CRACD: variants seen among roughly 807,000 people sequenced by gnomAD.
CRACD encodes the protein capping protein-inhibiting regulator of actin dynamics.
Under a neutral mutation model 106.8 loss-of-function variants are expected in CRACD, and 56 were observed. That is an observed-to-expected ratio of 0.52 (90% CI 0.42 to 0.66). The LOEUF (loss-of-function observed/expected upper bound fraction) is 0.66, where lower values mean the gene tolerates loss of function less well. Among genes scored for constraint, CRACD ranks in the 30% least tolerant of loss-of-function variants. CRACD has a pLI of 0.00. For synonymous variants in CRACD, 754 were observed against 670.8 expected (o/e 1.12, Z -1.92); for missense variants, 1,730 against 1,623.2 (o/e 1.07, Z -1.13).
In CRACD at chr4:56,225,037, T is replaced by C. The variant is rs183416479; in HGVS notation, c.-189+45607T>C. ...TCACTCTTTGGTCTCCACACACTTATTCTTGCAAGGAGATTAGCTCTTCAT... is the reference window on the plus strand; with the variant it reads ...TCACTCTTTGGTCTCCACACACTTACTCTTGCAAGGAGATTAGCTCTTCAT... On this transcript the variant is annotated intron_variant, in intron 2 of 10. Coordinates refer to ENST00000682029, the MANE Select transcript of CRACD (RefSeq NM_001393381.1). Among the ~76,000 whole-genome samples the C allele has an allele frequency of 2.6e-3, 401 of 152,364 alleles. 2 individuals are homozygous for C. The highest frequency in any genetic ancestry group is 8.6e-3 in the African/African-American group (357 of 41,584).
intron 7 of CRACD, 134 bp downstream of exon 7, chr4:56,313,513 CG>C: frequency 1.3e-6 from 1 of 753,188 alleles, no homozygotes; most frequent in Non-Finnish European, 2.1e-6. Flanking sequence ...GAGTGTGTGG[CG>C]GTGTTGGGGA....
At chr4:56,161,399 C>T (rs1735952719) in intron 1 of CRACD, among the ~76,000 whole-genome samples, 1 of 152,060 alleles carries the variant, frequency 6.6e-6, no homozygotes, top group Non-Finnish European at 1.5e-5. Flanking sequence ...TTTACACATG[C>T]CCACCAGACT....
chr4:56,080,934 C>T lies in CRACD; in HGVS notation c.-336+31635C>T, dbSNP rs776536053. Among the ~76,000 whole-genome samples the T allele has an allele frequency of 4.6e-5, 7 of 152,360 alleles. No homozygotes were observed. In the South Asian group the frequency reaches 1.4e-3, roughly 32 times the overall value. ...AAATTCTAAGTGGTTTCTCAAGCTA[C>T]ATCAGATCTATCCACTTACTTTCTC... is the stretch of plus-strand genomic sequence containing the variant. On this transcript the variant is annotated intron_variant, in intron 1 of 10. Coordinates refer to ENST00000682029, the MANE Select transcript of CRACD (RefSeq NM_001393381.1).
intron 2 of CRACD, among the ~76,000 whole-genome samples, chr4:56,238,153 C>T (rs1253963750): frequency 6.6e-6 from 1 of 152,174 alleles, no homozygotes; most frequent in Non-Finnish European, 1.5e-5. Context: ...CCAGATAGGG[C>T]TCAGTCAACA....
rs142940778 is a variant in CRACD at position 56,182,155 on chromosome 4, C to T, written c.-189+2725C>T. ...CAGCACTTTGGGAGGCTGAGGCAGG[C>T]GAATCACTTGAGCCGAAGAGTTCGA... On this transcript the variant is annotated intron_variant, in intron 2 of 10. Transcript: ENST00000682029. 4.0e-3 allele frequency among the ~76,000 whole-genome samples: 605 copies of T among 151,834 alleles called. 37 individuals carry two copies. In the East Asian group the frequency reaches 0.098, roughly 25 times the overall value.
chr4:56,151,660 A>C (rs1180621064), intron 1 of CRACD, among the ~76,000 whole-genome samples: 1 of 152,036 alleles, frequency 6.6e-6, no homozygotes. Flanking sequence ...TGACCTTTCT[A>C]ACGAAAAGAT....
intron 4 of CRACD, among the ~76,000 whole-genome samples, chr4:56,301,957 C>T (rs935535506): frequency 3.3e-5 from 5 of 152,002 alleles, no homozygotes; most frequent in African/African-American, 1.2e-4. Context: ...CAGTGGTGTC[C>T]TTTGTGAGGA....
At chr4:56,132,065 T>C (rs1244293899) in intron 1 of CRACD, among the ~76,000 whole-genome samples, 1 of 152,220 alleles carries the variant, frequency 6.6e-6, no homozygotes, top group Admixed American at 6.5e-5. Flanking sequence ...ATTATTATTT[T>C]TAGACAGGGC....
chr4:56,123,528 CA>C (rs1209541731), intron 1 of CRACD, among the ~76,000 whole-genome samples: 9 of 152,192 alleles, frequency 5.9e-5, no homozygotes, highest in African/African-American at 2.2e-4. Context: ...GCCCCATCTC[CA>C]AATACAGTCA....
chr4:56,251,589 T>C (rs1741059288), intron 2 of CRACD, among the ~76,000 whole-genome samples: 1 of 152,228 alleles, frequency 6.6e-6, no homozygotes, highest in African/African-American at 2.4e-5. Context: ...TCATGTTTAA[T>C]GAAGCGTTCT....
At chr4:56,201,694 T>C (rs1482602565) in intron 2 of CRACD, among the ~76,000 whole-genome samples, 1 of 152,190 alleles carries the variant, frequency 6.6e-6, no homozygotes, top group African/African-American at 2.4e-5. Flanking sequence ...TTGAAAATTG[T>C]TTTTCAAGTC....
At chr4:56,163,752 CTTTTTTTT>C (rs61293642) in intron 1 of CRACD, among the ~76,000 whole-genome samples, 3 of 147,544 alleles carry the variant, frequency 2.0e-5, no homozygotes, top group African/African-American at 7.4e-5. Flanking sequence ...TTGTGTGTAT[CTTTTTTTT>C]TTTGAGACAG....
intron 4 of CRACD, among the ~76,000 whole-genome samples, chr4:56,300,894 A>C (rs1744330287): frequency 6.6e-6 from 1 of 152,234 alleles, no homozygotes; most frequent in Non-Finnish European, 1.5e-5. Flanking sequence ...CTGATGTCAT[A>C]ATTAATAAAA....
chr4:56,240,419 C>CT (rs1161557613), intron 2 of CRACD, among the ~76,000 whole-genome samples: 5 of 152,090 alleles, frequency 3.3e-5, no homozygotes, highest in Admixed American at 1.3e-4. Context: ...TCCTGTTTGC[C>CT]TTTTTTTCTG....
At chr4:56,319,468 A>G (rs1187279815) in intron 8 of CRACD, among the ~76,000 whole-genome samples, 2 of 151,844 alleles carry the variant, frequency 1.3e-5, no homozygotes, top group Non-Finnish European at 2.9e-5. Context: ...TTAGCTGGGC[A>G]TGATACACAC....
intron 1 of CRACD, among the ~76,000 whole-genome samples, chr4:56,168,956 A>G (rs537571426): frequency 6.6e-6 from 1 of 152,184 alleles, no homozygotes; most frequent in African/African-American, 2.4e-5. Flanking sequence ...CGTCATCAGT[A>G]GTTCAGCAAC....
chr4:56,071,930 A>T (rs1732667497), intron 1 of CRACD, among the ~76,000 whole-genome samples: 1 of 151,804 alleles, frequency 6.6e-6, no homozygotes, highest in South Asian at 2.1e-4. Context: ...GATCGAGACC[A>T]TCCTGGCTAA....
chr4:56,078,563 T>A (rs2109805722), intron 1 of CRACD, among the ~76,000 whole-genome samples: 1 of 152,268 alleles, frequency 6.6e-6, no homozygotes, highest in East Asian at 1.9e-4. Flanking sequence ...TGCGCCACCA[T>A]GCCTGACTGA....
intron 2 of CRACD, among the ~76,000 whole-genome samples, chr4:56,262,874 A>G (rs1741787298): frequency 6.6e-6 from 1 of 152,240 alleles, no homozygotes; most frequent in Admixed American, 6.5e-5. Context: ...GTGCTGTCAC[A>G]GACCCCATGA....
Sources: gnomAD v4.1 joint callset for allele counts (sites outside exome capture counted in the v4.1 genomes callset) on GRCh38, gnomAD v4.1.1 for gene constraint, MANE v1.5 for transcripts, NCBI Gene and HGNC (gene_info 2026-07-23, HGNC 2026-07-21) for gene names.